ANO2: variants seen among roughly 807,000 people sequenced by gnomAD.
ANO2 encodes anoctamin-2.
Under a neutral mutation model 124.2 loss-of-function variants are expected in ANO2, and 101 were observed. That is an observed-to-expected ratio of 0.81 (90% CI 0.69 to 0.96). The LOEUF (loss-of-function observed/expected upper bound fraction) is 0.96. Ranked by LOEUF, ANO2 falls within the 40% of genes least tolerant of loss-of-function variation. The pLI is 0.00. For missense variants in ANO2, 1,293 were observed against 1,274.5 expected, an observed-to-expected ratio of 1.01 and a Z score of -0.22; for synonymous variants, 486 against 482.5, an observed-to-expected ratio of 1.01 and a Z score of -0.09.
At chr12:5,674,205 C>G (rs1418562402) in intron 14 of ANO2, among the ~76,000 whole-genome samples, 1 of 152,184 alleles carries the variant, frequency 6.6e-6, no homozygotes, top group African/African-American at 2.4e-5. Context: ...CCACTCTCCA[C>G]TATAGGTAAT....
At chr12:5,640,961 C>A (rs1372411294) in intron 15 of ANO2, among the ~76,000 whole-genome samples, 1 of 152,180 alleles carries the variant, frequency 6.6e-6, no homozygotes, top group Non-Finnish European at 1.5e-5. Context: ...ACAGCAAAGA[C>A]TTGGAACCAA....
intron 1 of ANO2, among the ~76,000 whole-genome samples, chr12:5,938,896 C>T (rs1942770788): frequency 6.6e-6 from 1 of 151,786 alleles, no homozygotes; most frequent in Non-Finnish European, 1.5e-5. Context: ...ACAGGAGCAC[C>T]TGTAACCAAG....
At chr12:5,641,420 G>A (rs1946387958) in intron 15 of ANO2, among the ~76,000 whole-genome samples, 1 of 140,408 alleles carries the variant, frequency 7.1e-6, no homozygotes, top group Non-Finnish European at 1.5e-5. Flanking sequence ...TTTTTTTTAA[G>A]TGGGAAAAAG....
intron 3 of ANO2, among the ~76,000 whole-genome samples, chr12:5,897,891 G>A (rs1307012204): frequency 6.6e-6 from 1 of 151,970 alleles, no homozygotes; most frequent in East Asian, 1.9e-4. Flanking sequence ...TAAAGGAAAA[G>A]ATCAATAAAA....
At chr12:5,883,539 G>C (rs1938662206) in intron 3 of ANO2, among the ~76,000 whole-genome samples, 1 of 150,718 alleles carries the variant, frequency 6.6e-6, no homozygotes, top group Non-Finnish European at 1.5e-5. Context: ...GTGTGTGTGT[G>C]TGTGGTGTCT....
chr12:5,756,914 A>G (rs1353782639), intron 10 of ANO2, among the ~76,000 whole-genome samples: 1 of 152,220 alleles, frequency 6.6e-6, no homozygotes, highest in South Asian at 2.1e-4. Context: ...GCCATTGGGG[A>G]CATGGGAAGC....
intron 14 of ANO2, among the ~76,000 whole-genome samples, chr12:5,674,442 C>G (rs1392308120): frequency 6.6e-6 from 1 of 152,186 alleles, no homozygotes; most frequent in Non-Finnish European, 1.5e-5. Context: ...CCACGCACAA[C>G]CATGAGAAAT....
chr12:5,647,162 T>C (rs1439299155), intron 15 of ANO2, among the ~76,000 whole-genome samples: 10 of 152,224 alleles, frequency 6.6e-5, no homozygotes, highest in South Asian at 2.1e-4. Flanking sequence ...ACTGCTGTCT[T>C]GCCCATGCTG....
intron 4 of ANO2, among the ~76,000 whole-genome samples, chr12:5,848,719 C>T (rs1007653265): frequency 2.0e-5 from 3 of 152,220 alleles, no homozygotes; most frequent in African/African-American, 7.2e-5. Context: ...AGTCCAAAGG[C>T]CATCTGTTCC....
chr12:5,757,285 T>C (rs1951609916), intron 10 of ANO2, among the ~76,000 whole-genome samples: 1 of 152,280 alleles, frequency 6.6e-6, no homozygotes. Flanking sequence ...TTCTACTTTG[T>C]TAATAAATTA....
intron 13 of ANO2, among the ~76,000 whole-genome samples, chr12:5,736,487 G>A (rs1950869552): frequency 1.3e-5 from 2 of 152,186 alleles, no homozygotes; most frequent in South Asian, 4.1e-4. Context: ...GATACTGGGA[G>A]GTGTCTGGTT....
At chr12:5,673,919 G>A (rs1448076376) in intron 14 of ANO2, among the ~76,000 whole-genome samples, 3 of 152,180 alleles carry the variant, frequency 2.0e-5, no homozygotes, top group Non-Finnish European at 4.4e-5. Context: ...GAGGTCAAGA[G>A]ACAGGGCAAG....
chr12:5,885,589 A>T (rs1328114014), intron 3 of ANO2, among the ~76,000 whole-genome samples: 1 of 152,220 alleles, frequency 6.6e-6, no homozygotes, highest in East Asian at 1.9e-4. Context: ...GAGTGAACCT[A>T]AGAAAGGTTT....
At chr12:5,814,504 C>T (rs766770225) in intron 7 of ANO2, among the ~76,000 whole-genome samples, 1 of 152,242 alleles carries the variant, frequency 6.6e-6, no homozygotes, top group Non-Finnish European at 1.5e-5. Flanking sequence ...TACCTTCCCA[C>T]TCCCACTTCA....
chr12:5,678,192 T>C (rs1948337684), intron 14 of ANO2, among the ~76,000 whole-genome samples: 1 of 152,204 alleles, frequency 6.6e-6, no homozygotes, highest in South Asian at 2.1e-4. Context: ...TGTAGGTTCC[T>C]GGGGTGGCCT....
Position 5,769,863 on chromosome 12 carries a change from C to T in ANO2, c.1056-18893G>A, listed in dbSNP as rs1387914736. ...CCTTTCCCTGGGTATTATACACAGC[C>T]CCACCTAAGGGCAGAAAGCGTGGAG... On this transcript the variant is annotated intron_variant, in intron 10 of 24. Coordinates refer to ENST00000682330, the MANE Select transcript of ANO2 (RefSeq NM_001364791.2). The surrounding 1 kb of genome is among the most constrained non-coding windows in gnomAD (Gnocchi z 4.0). 1.3e-5 allele frequency among the ~76,000 whole-genome samples: 2 copies of T among 152,208 alleles called. No homozygotes were observed. Among genetic ancestry groups the T allele is most frequent in the South Asian group, 4.2e-4 (2 of 4,812 alleles).
At chr12:5,617,916 T>C (rs1464085012) in intron 16 of ANO2, among the ~76,000 whole-genome samples, 1 of 152,218 alleles carries the variant, frequency 6.6e-6, no homozygotes, top group East Asian at 1.9e-4. Context: ...TTATCACTGA[T>C]TCCTCAGTCC....
At chr12:5,895,590 CCTCA>C (rs1422961617) in intron 3 of ANO2, among the ~76,000 whole-genome samples, 1 of 151,974 alleles carries the variant, frequency 6.6e-6, no homozygotes, top group Non-Finnish European at 1.5e-5. Context: ...TGAGATACCA[CCTCA>C]CTCCTGCAAG....
At chr12:5,865,136 T>C (rs976004090) in intron 3 of ANO2, among the ~76,000 whole-genome samples, 2 of 152,192 alleles carry the variant, frequency 1.3e-5, no homozygotes, top group Non-Finnish European at 2.9e-5. Context: ...TAGCAGTGAC[T>C]CATCTCTCCC....
Sources: allele counts gnomAD v4.1 joint callset (sites outside exome capture counted in the v4.1 genomes callset), GRCh38; gene constraint gnomAD v4.1.1; non-coding constraint Gnocchi (gnomAD v3.1); transcripts MANE v1.5; gene names NCBI Gene and HGNC (gene_info 2026-07-23, HGNC 2026-07-21).